Variants in CRYZL1 observed in about 807,000 individuals in gnomAD.
The protein encoded by CRYZL1 is ferry endosomal RAB5 effector complex subunit 4.
Under a neutral mutation model 50.6 loss-of-function variants are expected in CRYZL1, and 34 were observed. That is an observed-to-expected ratio of 0.67 (90% CI 0.51 to 0.89). The LOEUF is 0.89. Among genes scored for constraint, CRYZL1 ranks in the 40% least tolerant of loss-of-function variants. The probability of loss-of-function intolerance (pLI) is 0.00; values close to 1 mark genes in which losing one functional copy is unlikely to be tolerated. For missense variants in CRYZL1, 354 were observed against 402.3 expected, an observed-to-expected ratio of 0.88 and a Z score of 1.03; for synonymous variants, 125 against 134.3, an observed-to-expected ratio of 0.93 and a Z score of 0.48.
Position 33,614,758 on chromosome 21 carries a change from GAC to G in CRYZL1, c.263-1154_263-1153del, listed in dbSNP as rs551045336. On this transcript the variant is annotated intron_variant, in intron 5 of 12. Coordinates refer to ENST00000381554, the MANE Select transcript of CRYZL1 (RefSeq NM_145858.3). ...AGCTAATCTTTGTATTATTAGTAGA[GAC>G]ACAGTTTCACCACATTGGCCAGGCT... Among the ~76,000 whole-genome samples, 26 of 152,180 alleles carry G rather than the reference GAC, an allele frequency of 1.7e-4. 1 individual carries two copies. In the East Asian group the frequency reaches 4.3e-3, roughly 25 times the overall value.
At chr21:33,618,655 C>T (rs1380652443) in intron 4 of CRYZL1, among the ~76,000 whole-genome samples, 1 of 152,114 alleles carries the variant, frequency 6.6e-6, no homozygotes, top group Non-Finnish European at 1.5e-5. Flanking sequence ...TAATTCGAAG[C>T]CTGGTATTTC....
At chr21:33,623,585 G>C (rs527350961) in intron 3 of CRYZL1, among the ~76,000 whole-genome samples, 1 of 152,272 alleles carries the variant, frequency 6.6e-6, no homozygotes, top group South Asian at 2.1e-4. Flanking sequence ...TCCCACTAAT[G>C]CATTTCTCAA....
At chr21:33,638,953 G>A (rs1482116084) in intron 1 of CRYZL1, among the ~76,000 whole-genome samples, 1 of 152,148 alleles carries the variant, frequency 6.6e-6, no homozygotes, top group Non-Finnish European at 1.5e-5. Context: ...TTCTAATTGT[G>A]ACAATCTTGA....
At chr21:33,619,490 T>G (rs1435265660) in intron 4 of CRYZL1, among the ~76,000 whole-genome samples, 1 of 152,272 alleles carries the variant, frequency 6.6e-6, no homozygotes, top group Non-Finnish European at 1.5e-5. Flanking sequence ...CAGGAATTAG[T>G]GTTCACATAA....
chr21:33,623,862 T>G (rs1403619770), intron 3 of CRYZL1, among the ~76,000 whole-genome samples: 1 of 152,172 alleles, frequency 6.6e-6, no homozygotes, highest in Non-Finnish European at 1.5e-5. Context: ...ATGTATTTCA[T>G]GGTCAATAAT....
In CRYZL1 at chr21:33,591,069, T is replaced by C. The variant is rs1182314284; in HGVS notation, c.950+93A>G. 3.5e-6 allele frequency: 3 copies of C among 861,464 alleles called. No homozygotes were observed. The African/African-American group carries it at 5.0e-5, about 14-fold the overall frequency. 53.4% of individuals were successfully genotyped at this position (861,464 alleles called of 1,614,324 possible). On this transcript the variant is annotated intron_variant, in intron 12 of 12. Coordinates refer to ENST00000381554, the MANE Select transcript of CRYZL1 (RefSeq NM_145858.3). ...ATAAAATATGGAGGCAACAGGTACA[T>C]GGCGAGAGCTAAAACAAAAGTGGGA... is the stretch of plus-strand genomic sequence containing the variant.
chr21:33,621,247 G>A (rs2086996969), intron 4 of CRYZL1, among the ~76,000 whole-genome samples: 1 of 149,036 alleles, frequency 6.7e-6, no homozygotes, highest in Non-Finnish European at 1.5e-5. Flanking sequence ...TACTGGAAGA[G>A]AAAGAATTGT....
chr21:33,609,453 C>A (rs1015156869), intron 6 of CRYZL1, among the ~76,000 whole-genome samples: 2 of 152,066 alleles, frequency 1.3e-5, no homozygotes, highest in Non-Finnish European at 2.9e-5. Flanking sequence ...GCACACACCA[C>A]CATATCTAGT....
chr21:33,613,758 G>A, intron 5 of CRYZL1, 152 bp from the exon 6 acceptor site: 2 of 629,628 alleles, frequency 3.2e-6, no homozygotes, highest in Non-Finnish European at 5.7e-6. Flanking sequence ...AATGGGATGG[G>A]AAGTGCACTG....
chr21:33,627,739 G>GTTTTTTT (rs35217060), intron 2 of CRYZL1, among the ~76,000 whole-genome samples: 3 of 84,364 alleles, frequency 3.6e-5, no homozygotes, highest in Non-Finnish European at 6.5e-5. Context: ...ATGAGACATG[G>GTTTTTTT]TTTTTTTTTT....
At chr21:33,596,782 G>C (rs1300750846) in intron 10 of CRYZL1, among the ~76,000 whole-genome samples, 7 of 149,550 alleles carry the variant, frequency 4.7e-5, no homozygotes, top group African/African-American at 1.7e-4. Flanking sequence ...TGTTGCTAAA[G>C]TGAAAAAAAA....
chr21:33,613,423 G>T, intron 6 of CRYZL1, 115 bp downstream of exon 6: 1 of 672,642 alleles, frequency 1.5e-6, no homozygotes. Flanking sequence ...ACTGGCTAAT[G>T]ATACTTTATT....
chr21:33,635,097 G>T lies in CRYZL1; in HGVS notation c.-6-3540C>A, dbSNP rs1034971047. ...ACAAAAGTAGCCAGAAGAAAACTGA[G>T]GAAATATTTGTCTTGAAAGCCCAAA... On this transcript the variant is annotated intron_variant, in intron 1 of 12. Coordinates refer to ENST00000381554, the MANE Select transcript of CRYZL1 (RefSeq NM_145858.3). 8.5e-4 allele frequency among the ~76,000 whole-genome samples: 129 copies of T among 151,690 alleles called. 1 individual carries two copies. Among genetic ancestry groups the T allele is most frequent in the African/African-American group, 3.0e-3 (123 of 41,398 alleles).
chr21:33,621,112 A>G (rs2086994703), intron 4 of CRYZL1, among the ~76,000 whole-genome samples: 3 of 148,952 alleles, frequency 2.0e-5, no homozygotes, highest in Non-Finnish European at 4.5e-5. Flanking sequence ...TCACCGTGTT[A>G]GCCAGGATGG....
chr21:33,638,585 C>T (rs966470666), intron 1 of CRYZL1, among the ~76,000 whole-genome samples: 1 of 152,166 alleles, frequency 6.6e-6, no homozygotes, highest in Non-Finnish European at 1.5e-5. Flanking sequence ...AGTCAACAGT[C>T]TCTAGAAATA....
intron 8 of CRYZL1, among the ~76,000 whole-genome samples, chr21:33,599,726 G>A (rs2086730825): frequency 1.3e-5 from 2 of 151,890 alleles, no homozygotes; most frequent in African/African-American, 4.8e-5. Context: ...TGAACTCCTG[G>A]GTTCAAGCAA....
At chr21:33,608,220 C>T (rs1050799351) in intron 6 of CRYZL1, among the ~76,000 whole-genome samples, 33 of 152,240 alleles carry the variant, frequency 2.2e-4, no homozygotes, top group African/African-American at 5.5e-4. Flanking sequence ...TTTGGGAGGC[C>T]GAGGTGGGCA....
At chr21:33,638,390 T>C (rs1345136283) in intron 1 of CRYZL1, among the ~76,000 whole-genome samples, 1 of 152,060 alleles carries the variant, frequency 6.6e-6, no homozygotes, top group Non-Finnish European at 1.5e-5. Flanking sequence ...TTTTTTTGTA[T>C]CTTTAGTAGA....
intron 10 of CRYZL1, among the ~76,000 whole-genome samples, chr21:33,596,846 C>A (rs3761350): frequency 0.69 from 104,603 of 150,662 alleles, 36,325 homozygotes; most frequent in African/African-American, 0.73. Flanking sequence ...AGCTAAATTT[C>A]TTTATTTTTC....
Sources: allele counts gnomAD v4.1 joint callset (sites outside exome capture counted in the v4.1 genomes callset), GRCh38; gene constraint gnomAD v4.1.1; transcripts MANE v1.5; gene names NCBI Gene and HGNC (gene_info 2026-07-23, HGNC 2026-07-21).